Variants in GTF2IRD1 observed in about 807,000 individuals in gnomAD.
GTF2IRD1 encodes the protein general transcription factor II-I repeat domain-containing protein 1.
In GTF2IRD1, 26 loss-of-function variants were observed where a neutral mutation model predicts 113.2. The ratio of observed to expected loss-of-function variants is 0.23; its 90% CI spans 0.17 to 0.32. The LOEUF is 0.32. GTF2IRD1 is among the 10% of genes least tolerant of loss of function. The pLI is 1.00. For missense variants in GTF2IRD1, 864 were observed against 1,280.8 expected (o/e 0.67, Z 4.97); for synonymous variants, 484 against 529.1 (o/e 0.91, Z 1.17).
intron 1 of GTF2IRD1, among the ~76,000 whole-genome samples, chr7:74,459,569 T>G (rs1554328531): frequency 1.3e-5 from 2 of 152,166 alleles, no homozygotes; most frequent in Non-Finnish European, 2.9e-5. Flanking sequence ...CAGAACTCTC[T>G]CGCCCCTGAG....
At chr7:74,570,655 C>CA (rs1292006142) in intron 22 of GTF2IRD1, among the ~76,000 whole-genome samples, 4 of 151,284 alleles carry the variant, frequency 2.6e-5, no homozygotes, top group African/African-American at 4.9e-5. Flanking sequence ...CCTTGTCTTT[C>CA]AAAAAAAAAT....
intron 9 of GTF2IRD1, among the ~76,000 whole-genome samples, chr7:74,530,285 C>T (rs1797883794): frequency 6.6e-6 from 1 of 151,846 alleles, no homozygotes; most frequent in African/African-American, 2.4e-5. Flanking sequence ...GGTTTTGGGG[C>T]ATGTGGGCTA....
intron 1 of GTF2IRD1, among the ~76,000 whole-genome samples, chr7:74,472,413 A>G (rs782597316): frequency 7.2e-5 from 11 of 152,172 alleles, no homozygotes; most frequent in Admixed American, 2.6e-4. Flanking sequence ...GGCTGGGAAG[A>G]CACTTGACTA....
chr7:74,557,853 T>C, intron 20 of GTF2IRD1, 131 bp downstream of exon 20: 1 of 620,152 alleles, frequency 1.6e-6, no homozygotes. Context: ...CTTGAGCATA[T>C]ACTACGTGCC....
chr7:74,558,626 A>C (rs1799760733), intron 20 of GTF2IRD1, among the ~76,000 whole-genome samples: 1 of 152,166 alleles, frequency 6.6e-6, no homozygotes, highest in East Asian at 1.9e-4. Flanking sequence ...TTGGTTCCCC[A>C]AAATGCTGGG....
intron 1 of GTF2IRD1, among the ~76,000 whole-genome samples, chr7:74,484,833 C>T (rs1376053273): frequency 3.3e-5 from 5 of 152,102 alleles, no homozygotes; most frequent in Admixed American, 2.6e-4. Context: ...CATCATCGGA[C>T]GCTGGGACGG....
At chr7:74,586,481 G>A (rs782013149) in intron 22 of GTF2IRD1, among the ~76,000 whole-genome samples, 20 of 152,224 alleles carry the variant, frequency 1.3e-4, no homozygotes, top group Non-Finnish European at 2.8e-4. Context: ...GGGCACGCAG[G>A]GGGGCTGGCG....
At chr7:74,582,154 G>A (rs1204998045) in intron 22 of GTF2IRD1, among the ~76,000 whole-genome samples, 5 of 152,244 alleles carry the variant, frequency 3.3e-5, no homozygotes, top group Non-Finnish European at 7.3e-5. Context: ...CAAGACTGGT[G>A]CCAGCCTGCA....
rs1167468655 is a variant in GTF2IRD1, at chr7:74,562,555, CTTTTTTTT to C, written c.2320+2922_2320+2929del. Among the ~76,000 whole-genome samples the C allele has an allele frequency of 1.5e-3, 94 of 62,698 alleles. 1 individual carries two copies. The highest frequency in any genetic ancestry group is 4.4e-3 in the East Asian group (7 of 1,582). The allele number at this position is 62,698 out of a possible 152,430, so 41.1% of individuals were successfully genotyped here. The stretch of plus-strand genomic sequence containing the variant: ...AGGACTATTTTCCGCCAATTGCCCT[CTTTTTTTT>C]TTTTTTTTTTTTTTTTTTTTTGAGA... On this transcript the variant is annotated intron_variant, in intron 22 of 26. Coordinates refer to ENST00000424337, the MANE Select transcript of GTF2IRD1 (RefSeq NM_005685.4).
intron 1 of GTF2IRD1, among the ~76,000 whole-genome samples, chr7:74,459,442 G>C (rs564930787): frequency 2.1e-4 from 32 of 151,948 alleles, no homozygotes; most frequent in African/African-American, 7.5e-4. Flanking sequence ...TGGGCGACAA[G>C]AGTGAAACTC....
Position 74,536,255 on chromosome 7 carries a change from T to C in GTF2IRD1, c.1389T>C (p.Leu463=), listed in dbSNP as rs782694990. 7.5e-6 allele frequency: 12 copies of C among 1,609,910 alleles called. No homozygotes were observed. The South Asian group carries it at 1.2e-4, about 16-fold the overall frequency. Residue 463 remains leucine, a synonymous_variant, in exon 11 of 27, where the codon CTT becomes CTC. Coordinates refer to ENST00000424337, the MANE Select transcript of GTF2IRD1 (RefSeq NM_005685.4). ...CAGAGGTCTCTAGGGCCACCGTCCT[T>C]GACCTTGCTGGGAATGCTCGGTGAG... is the stretch of plus-strand genomic sequence containing the variant. ...TSAEVSRATV[L]DLAGNARSDK...
chr7:74,521,623 G>A (rs1295861176), intron 7 of GTF2IRD1, among the ~76,000 whole-genome samples: 1 of 152,062 alleles, frequency 6.6e-6, no homozygotes, highest in African/African-American at 2.4e-5. Flanking sequence ...ATTAGTGGAT[G>A]TGGTGGTGCC....
intron 22 of GTF2IRD1, among the ~76,000 whole-genome samples, chr7:74,577,090 T>A (rs1801120070): frequency 6.6e-6 from 1 of 152,034 alleles, no homozygotes; most frequent in African/African-American, 2.4e-5. Context: ...CAGGCTGGAG[T>A]GCAGTGGCGC....
chr7:74,566,917 C>A (rs587660926), intron 22 of GTF2IRD1, among the ~76,000 whole-genome samples: 3 of 152,326 alleles, frequency 2.0e-5, no homozygotes, highest in East Asian at 3.9e-4. Context: ...CTGGTCTCAT[C>A]CACACAGGGT....
intron 22 of GTF2IRD1, among the ~76,000 whole-genome samples, chr7:74,577,413 CTCTT>C (rs1801142042): frequency 6.6e-6 from 1 of 152,166 alleles, no homozygotes; most frequent in Non-Finnish European, 1.5e-5. Flanking sequence ...CACATAATTT[CTCTT>C]TCTTTTTCTC....
chr7:74,508,961 C>T (rs1796462244), intron 2 of GTF2IRD1, among the ~76,000 whole-genome samples: 2 of 152,130 alleles, frequency 1.3e-5, no homozygotes, highest in Admixed American at 6.6e-5. Flanking sequence ...GCGCTATTGC[C>T]TACATACCTA....
Position 74,518,199 on chromosome 7 carries a change from C to T in GTF2IRD1, c.482C>T (p.Pro161Leu). ...PLPYERLLRE[P>L]GLLAVQGLPE... ...CCCTATGAGAGGCTGCTCAGGGAGC[C>T]AGGGCTGCTGGCCGTGCAGGGGCTG... The change falls in exon 5 of 27, where the codon CCA (proline) becomes CTA (leucine). Residue 161 changes from proline to leucine, a missense_variant. This residue lies in a region of GTF2IRD1 where 182 missense variants were observed against 266.6 expected (regional missense o/e 0.68). Coordinates refer to ENST00000424337, the MANE Select transcript of GTF2IRD1 (RefSeq NM_005685.4). The T allele has an allele frequency of 6.2e-7, 1 of 1,610,888 alleles. No homozygotes were observed. The highest frequency in any genetic ancestry group is 8.5e-7 in the Non-Finnish European group (1 of 1,178,996).
chr7:74,584,497 TGC>T (rs1801604468), intron 22 of GTF2IRD1, among the ~76,000 whole-genome samples: 1 of 152,190 alleles, frequency 6.6e-6, no homozygotes, highest in African/African-American at 2.4e-5. Context: ...ATTTATCCTG[TGC>T]TCAGTAAATC....
chr7:74,483,471 A>G (rs1794857187), intron 1 of GTF2IRD1, among the ~76,000 whole-genome samples: 1 of 152,136 alleles, frequency 6.6e-6, no homozygotes, highest in East Asian at 1.9e-4. Context: ...GCTTGAGCCC[A>G]GGAATTTGAG....
Sources: allele counts gnomAD v4.1 joint callset (sites outside exome capture counted in the v4.1 genomes callset), GRCh38; gene constraint gnomAD v4.1.1; regional missense constraint gnomAD v4.1.1; transcripts MANE v1.5; gene names NCBI Gene and HGNC (gene_info 2026-07-23, HGNC 2026-07-21).